SLC36A1: variants seen among roughly 807,000 people sequenced by gnomAD.
SLC36A1 encodes proton-coupled amino acid transporter 1.
Under a neutral mutation model 47.5 loss-of-function variants are expected in SLC36A1, and 30 were observed. The observed-to-expected ratio is 0.63, with a 90% CI of 0.47 to 0.86. The LOEUF is 0.86. SLC36A1 is among the 40% of genes least tolerant of loss of function. The pLI, the probability that SLC36A1 is intolerant of heterozygous loss-of-function variation, is 0.00. For missense variants in SLC36A1, 517 were observed against 606.0 expected (o/e 0.85, Z 1.54); for synonymous variants, 255 against 249.7 (o/e 1.02, Z -0.20).
chr5:151,396,666 TATGAATGGGATAAAC>T, the SLC36A1 span, among the ~76,000 whole-genome samples: 1 of 101,650 alleles, frequency 9.8e-6, no homozygotes, highest in Non-Finnish European at 2.0e-5. Flanking sequence ...TGGGATTAAA[TATGAATGGGATAAAC>T]ATGAATGGGA....
At chr5:151,359,994 C>T in the SLC36A1 span, among the ~76,000 whole-genome samples, 1 of 152,272 alleles carries the variant, frequency 6.6e-6, no homozygotes, top group African/African-American at 2.4e-5. Flanking sequence ...TATTTGCATA[C>T]ACGTTTTTTG....
the SLC36A1 span, chr5:151,543,740 C>G: frequency 1.1e-5 from 17 of 1,614,074 alleles, no homozygotes; most frequent in South Asian, 1.8e-4. Flanking sequence ...GGCACAGTTG[C>G]TCGGAAGACT....
intron 1 of SLC36A1, among the ~76,000 whole-genome samples, chr5:151,455,115 T>C (rs1754298059): frequency 6.6e-6 from 1 of 152,308 alleles, no homozygotes. Flanking sequence ...TGTACCCATG[T>C]GTAACATCTA....
the SLC36A1 span, among the ~76,000 whole-genome samples, chr5:151,377,489 C>T: frequency 7.0e-4 from 106 of 151,538 alleles, 1 homozygote; most frequent in East Asian, 9.7e-4. Flanking sequence ...GCTGGGACTA[C>T]AGGCGCGCGC....
chr5:151,521,854 A>G, the SLC36A1 span: 1 of 1,614,128 alleles, frequency 6.2e-7, no homozygotes, highest in African/African-American at 1.3e-5. Flanking sequence ...AGGCGCACCC[A>G]CTGAGAAGTG....
intron 1 of SLC36A1, among the ~76,000 whole-genome samples, chr5:151,450,086 A>G (rs866890668): frequency 1.3e-5 from 2 of 152,154 alleles, no homozygotes; most frequent in South Asian, 2.1e-4. Context: ...ACTTACTGGC[A>G]TGTAGAGTGG....
the SLC36A1 span, among the ~76,000 whole-genome samples, chr5:151,378,862 CTGAGGGCCAGA>C: frequency 6.6e-6 from 1 of 152,242 alleles, no homozygotes; most frequent in African/African-American, 2.4e-5. Context: ...CCACCTGGGC[CTGAGGGCCAGA>C]AGGGGAGGGC....
chr5:151,496,559 G>C (rs1392125254), downstream of SLC36A1, among the ~76,000 whole-genome samples: 1 of 152,152 alleles, frequency 6.6e-6, no homozygotes, highest in African/African-American at 2.4e-5. Context: ...TGTGGTGTTT[G>C]TTTGTTTGTT....
chr5:151,448,339 C>G (rs1753129546), intron 1 of SLC36A1, among the ~76,000 whole-genome samples: 1 of 152,242 alleles, frequency 6.6e-6, no homozygotes, highest in East Asian at 1.9e-4. Flanking sequence ...CACACCGCCT[C>G]CTGCGGGAAA....
At chr5:151,395,806 A>ATTT in the SLC36A1 span, among the ~76,000 whole-genome samples, 4 of 152,106 alleles carry the variant, frequency 2.6e-5, no homozygotes, top group South Asian at 6.2e-4. Context: ...ATTCTTTCTT[A>ATTT]TTTATTATTA....
At chr5:151,367,756 G>A in the SLC36A1 span, among the ~76,000 whole-genome samples, 1 of 152,292 alleles carries the variant, frequency 6.6e-6, no homozygotes, top group South Asian at 2.1e-4. Flanking sequence ...TCCATAATAA[G>A]ATGAAGTTGT....
chr5:151,425,532 G>C, the SLC36A1 span: 1 of 152,292 alleles, frequency 6.6e-6, no homozygotes, highest in East Asian at 1.9e-4. Flanking sequence ...GTGTGAATGT[G>C]GGGGGACCAA....
chr5:151,421,063 C>T, the SLC36A1 span, among the ~76,000 whole-genome samples: 4 of 151,426 alleles, frequency 2.6e-5, no homozygotes, highest in Admixed American at 1.3e-4. Context: ...TTAGTAGAGA[C>T]GGGGTTTCAC....
At chr5:151,526,556 G>T in the SLC36A1 span, among the ~76,000 whole-genome samples, 1 of 152,224 alleles carries the variant, frequency 6.6e-6, no homozygotes, top group Non-Finnish European at 1.5e-5. Context: ...CTAATGGGCA[G>T]AAACTGATCG....
chr5:151,554,275 G>A, the SLC36A1 span: 1 of 1,226,434 alleles, frequency 8.2e-7, no homozygotes. Flanking sequence ...TTATGCTGGT[G>A]GGCTGTCTCC....
the SLC36A1 span, among the ~76,000 whole-genome samples, chr5:151,387,496 A>T: frequency 6.6e-6 from 1 of 152,260 alleles, no homozygotes; most frequent in African/African-American, 2.4e-5. Flanking sequence ...TATGAAGGGC[A>T]TGAAGGTGCC....
chr5:151,518,627 TAAAG>T, the SLC36A1 span, among the ~76,000 whole-genome samples: 1 of 152,178 alleles, frequency 6.6e-6, no homozygotes, highest in African/African-American at 2.4e-5. Context: ...CACTCTATGA[TAAAG>T]AGAGAGGGGC....
At chr5:151,408,761 G>C in the SLC36A1 span, among the ~76,000 whole-genome samples, 4 of 152,112 alleles carry the variant, frequency 2.6e-5, no homozygotes, top group Non-Finnish European at 1.5e-5. Flanking sequence ...CTGACAGCTG[G>C]AGAACAATGC....
the SLC36A1 span, among the ~76,000 whole-genome samples, chr5:151,404,260 G>A: frequency 6.6e-6 from 1 of 152,126 alleles, no homozygotes; most frequent in African/African-American, 2.4e-5. Context: ...TTTTCTGTTT[G>A]TGTGATAGAC....
Sources: gnomAD v4.1 joint callset for allele counts (sites outside exome capture counted in the v4.1 genomes callset) on GRCh38, gnomAD v4.1.1 for gene constraint, MANE v1.5 for transcripts, NCBI Gene and HGNC (gene_info 2026-07-23, HGNC 2026-07-21) for gene names.